C2CD2: variants seen among roughly 807,000 people sequenced by gnomAD.
C2CD2 encodes the protein C2 calcium dependent domain containing 2.
Under a neutral mutation model 74.3 loss-of-function variants are expected in C2CD2, and 43 were observed. The ratio of observed to expected loss-of-function variants is 0.58; its 90% confidence interval spans 0.45 to 0.75. The LOEUF (loss-of-function observed/expected upper bound fraction) is 0.75, where lower values mean the gene tolerates loss of function less well. Ranked by LOEUF, C2CD2 falls within the 30% of genes least tolerant of loss-of-function variation. The pLI, the probability that C2CD2 is intolerant of heterozygous loss-of-function variation, is 0.00. For missense variants in C2CD2, 801 were observed against 916.3 expected, an observed-to-expected ratio of 0.87 and a Z score of 1.63; for synonymous variants, 422 against 390.7, an observed-to-expected ratio of 1.08 and a Z score of -0.94.
At chr21:41,938,627 A>G (rs893706784) in intron 2 of C2CD2, among the ~76,000 whole-genome samples, 44 of 152,172 alleles carry the variant, frequency 2.9e-4, no homozygotes, top group African/African-American at 9.2e-4. Context: ...TCTAGGGACC[A>G]CTAAGAAGTG....
chr21:41,953,530 C>T lies in C2CD2; in HGVS notation c.119G>A (p.Arg40Lys). The change falls in exon 1 of 14, where the codon AGG becomes AAG. Residue 40 changes from arginine (R) to lysine (K), a missense_variant. Physicochemically the swap from Arg to Lys is conservative, Grantham distance 26. Transcript: ENST00000380486. Reference sequence around the variant, plus strand: ...CCGCCGCTGGGGCTGGGGTCGCGCCCTGGCCAGCGCCCACTGCGCCAGGTA... The same window carrying T: ...CCGCCGCTGGGGCTGGGGTCGCGCCTTGGCCAGCGCCCACTGCGCCAGGTA... The part of the protein sequence containing the change: ...GLYLAQWALA[R>K]ARPQPQRRAV... The T allele has an allele frequency of 6.8e-7, 1 of 1,477,140 alleles. No homozygotes were observed. Among genetic ancestry groups the T allele is most frequent in the African/African-American group, 1.5e-5 (1 of 68,180 alleles). 91.5% of individuals were successfully genotyped at this position (1,477,140 alleles called of 1,614,324 possible). A position where few individuals can be genotyped will look rare whatever the true frequency, so the allele number is the denominator to read the frequency against.
At chr21:41,935,341 A>G (rs1470222590) in intron 2 of C2CD2, among the ~76,000 whole-genome samples, 1 of 152,242 alleles carries the variant, frequency 6.6e-6, no homozygotes, top group East Asian at 1.9e-4. Flanking sequence ...GAACAGAGCT[A>G]ATCACCAGTT....
chr21:41,908,245 G>GTA (rs2064988290), intron 8 of C2CD2: 1 of 175,784 alleles, frequency 5.7e-6, no homozygotes, highest in African/African-American at 2.4e-5. Context: ...CCCTCAAGTT[G>GTA]TGTGTGTGTG....
intron 13 of C2CD2, among the ~76,000 whole-genome samples, chr21:41,898,374 C>T (rs1315565409): frequency 6.6e-6 from 1 of 152,142 alleles, no homozygotes; most frequent in East Asian, 1.9e-4. Context: ...TGGAACGGAC[C>T]CCAAGCCCCT....
chr21:41,940,061 AT>A (rs1464616515), intron 2 of C2CD2, among the ~76,000 whole-genome samples: 2 of 152,226 alleles, frequency 1.3e-5, no homozygotes, highest in African/African-American at 2.4e-5. Context: ...TCACTGGAGT[AT>A]TTTGGATTCG....
intron 2 of C2CD2, among the ~76,000 whole-genome samples, chr21:41,937,676 A>G (rs540136377): frequency 6.6e-6 from 1 of 152,360 alleles, no homozygotes; most frequent in East Asian, 1.9e-4. Context: ...CCAGAGCATT[A>G]TTCAAAACAG....
At chr21:41,918,305 T>A in intron 4 of C2CD2, 78 bp from the exon 5 acceptor site, 1 of 1,451,646 alleles carries the variant, frequency 6.9e-7, no homozygotes, top group Non-Finnish European at 9.4e-7. Context: ...TTCAGGTGAC[T>A]AAAACCATGC....
In C2CD2 at chr21:41,939,371, C is replaced by T. The variant is rs778628631; in HGVS notation, c.378+2776G>A. Among the ~76,000 whole-genome samples, 15 of 152,264 alleles carry T rather than the reference C, an allele frequency of 9.9e-5. No homozygotes were observed. Among genetic ancestry groups the T allele is most frequent in the African/African-American group, 3.4e-4 (14 of 41,528 alleles). ...TTCCACAGCCCCGCTTCCTCCACTC[C>T]CTGTCCAGACCAGCCCTGAACATTC... On this transcript the variant is annotated intron_variant, in intron 2 of 13. Transcript: ENST00000380486. The surrounding 1 kb of genome is among the most constrained non-coding windows in gnomAD (Gnocchi z 5.5).
intron 1 of C2CD2, among the ~76,000 whole-genome samples, chr21:41,947,112 T>TTCTCTCCCTCTCTCTCTCCCTCTCTC (rs1555906756): frequency 3.8e-5 from 1 of 26,150 alleles, no homozygotes; most frequent in Non-Finnish European, 9.1e-5. Context: ...CCTTTCTCTT[T>TTCTCTCCCTCTCTCTCTCCCTCTCTC]TCTCTCTCTC....
chr21:41,943,570 C>T (rs1414797931), intron 1 of C2CD2, among the ~76,000 whole-genome samples: 1 of 152,188 alleles, frequency 6.6e-6, no homozygotes, highest in Non-Finnish European at 1.5e-5. Flanking sequence ...GCCCCACAAG[C>T]TCCCATCGTA....
At chr21:41,891,929 T>C (rs899656472) in intron 13 of C2CD2, among the ~76,000 whole-genome samples, 3 of 152,180 alleles carry the variant, frequency 2.0e-5, no homozygotes, top group Non-Finnish European at 2.9e-5. Context: ...CTGGCGTCTG[T>C]ATCCAGGCCT....
At chr21:41,913,771 T>G (rs1029365077) in intron 6 of C2CD2, among the ~76,000 whole-genome samples, 6 of 152,146 alleles carry the variant, frequency 3.9e-5, no homozygotes, top group Non-Finnish European at 7.4e-5. Flanking sequence ...TGTAAAGAGG[T>G]GCCCTGTCCC....
rs1252550750 is a variant in C2CD2 at position 41,939,716 on chromosome 21, G to C, written c.378+2431C>G. On this transcript the variant is annotated intron_variant, in intron 2 of 13. Coordinates refer to ENST00000380486, the MANE Select transcript of C2CD2 (RefSeq NM_015500.2). The surrounding 1 kb of genome is among the most constrained non-coding windows in gnomAD (Gnocchi z 5.5). ...AGTGACTTCCTCACACTACTTACAA[G>C]GATTATCTAACAGCGTGGCTCCAGG... Among the ~76,000 whole-genome samples the C allele has an allele frequency of 6.6e-6, 1 of 152,222 alleles. No homozygotes were observed. Among genetic ancestry groups the C allele is most frequent in the East Asian group, 1.9e-4 (1 of 5,198 alleles).
chr21:41,947,788 G>C (rs2065413909), intron 1 of C2CD2, among the ~76,000 whole-genome samples: 1 of 152,158 alleles, frequency 6.6e-6, no homozygotes, highest in South Asian at 2.1e-4. Flanking sequence ...TTCTGCAGAT[G>C]ATGCACAGAG....
intron 13 of C2CD2, among the ~76,000 whole-genome samples, chr21:41,891,876 C>T (rs4919988): frequency 0.25 from 38,056 of 151,960 alleles, 5,035 homozygotes; most frequent in Middle Eastern, 0.32. Context: ...TCCTGCTCCA[C>T]CTCCAAAGTC....
At chr21:41,894,082 T>C (rs980443729) in intron 13 of C2CD2, among the ~76,000 whole-genome samples, 1 of 152,312 alleles carries the variant, frequency 6.6e-6, no homozygotes, top group East Asian at 1.9e-4. Context: ...CTTCCTGAAA[T>C]CGTTTGTGTG....
chr21:41,885,992 A>G lies in C2CD2; in HGVS notation c.*3132T>C, dbSNP rs2236440. On this transcript the variant is annotated 3_prime_UTR_variant, in exon 14 of 14. Transcript: ENST00000380486. ...AACAAGGAGATGGCTACTTTTTGTT[A>G]TTGCTACAATAACACACGCGTGTGT... 40,506 of 152,338 alleles carry G rather than the reference A, an allele frequency of 0.27. 6,831 individuals are homozygous for G. The highest frequency in any genetic ancestry group is 0.48 in the African/African-American group (19,733 of 41,462). 9.4% of individuals were successfully genotyped at this position (152,338 alleles called of 1,614,324 possible).
At position 41,907,051 on chromosome 21, in the gene C2CD2, A is replaced by T. The variant is rs2064970876; in HGVS notation, c.1259T>A (p.Val420Asp). Residue 420 changes from valine to aspartate, a missense_variant, in exon 10 of 14, where the codon GTC becomes GAC. Val to Asp is a radical substitution (Grantham distance 152). Coordinates refer to ENST00000380486, the MANE Select transcript of C2CD2 (RefSeq NM_015500.2). ...GCGAGGCTTGGTCTTCACAGCAGTG[A>T]CAGTAGTGACCACAGTCCCACAGGG... ...VMPCGTVVTT[V>D]TAVKTKPRVD... 6.2e-7 allele frequency: 1 copy of T among 1,613,966 alleles called. No individual in the cohort carries two copies.
At chr21:41,912,292 C>A (rs772254186) in intron 7 of C2CD2, 40 bp downstream of exon 7, 2 of 1,278,210 alleles carry the variant, frequency 1.6e-6, no homozygotes, top group East Asian at 4.7e-5. Context: ...TGAACAGACA[C>A]GGCCGTGGAC....
Sources: allele counts gnomAD v4.1 joint callset (sites outside exome capture counted in the v4.1 genomes callset), GRCh38; gene constraint gnomAD v4.1.1; non-coding constraint Gnocchi (gnomAD v3.1); transcripts MANE v1.5; gene names NCBI Gene and HGNC (gene_info 2026-07-23, HGNC 2026-07-21).